KDM6B: variants seen among roughly 807,000 people sequenced by gnomAD.
KDM6B encodes the protein lysine-specific demethylase 6B.
A neutral mutation model predicts 150.4 loss-of-function variants in KDM6B; 22 were observed. The ratio of observed to expected loss-of-function variants is 0.15; its 90% confidence interval spans 0.10 to 0.21. The LOEUF is 0.21. KDM6B is among the 10% of genes least tolerant of loss of function. KDM6B has a pLI of 1.00. For synonymous variants in KDM6B, 1,148 were observed against 921.1 expected, an observed-to-expected ratio of 1.25 and a Z score of -4.46; for missense variants, 1,984 against 2,234.3, an observed-to-expected ratio of 0.89 and a Z score of 2.26.
Position 7,853,994 on chromosome 17 carries a change from G to A in KDM6B, c.*473G>A, listed in dbSNP as rs1041626553. The A allele has an allele frequency of 2.6e-5, 4 of 154,824 alleles. No homozygotes were observed. Among genetic ancestry groups the A allele is most frequent in the African/African-American group, 9.6e-5 (4 of 41,534 alleles). The allele number at this position is 154,824 out of a possible 1,614,324, so 9.6% of individuals were successfully genotyped here. On this transcript the variant is annotated 3_prime_UTR_variant, in exon 24 of 24. Coordinates refer to ENST00000448097, the MANE Select transcript of KDM6B (RefSeq NM_001348716.2). The stretch of plus-strand genomic sequence containing the variant: ...CGGAACCTCCTTTTTTACTTCCAAT[G>A]CTAGCTGTGACCCCTGTACATGTCT...
At position 7,847,982 on chromosome 17, in the gene KDM6B, C is replaced by T. The variant is rs755782958; in HGVS notation, c.1694C>T (p.Pro565Leu). 1 of 1,612,546 alleles carries T rather than the reference C, an allele frequency of 6.2e-7. No individual in the cohort carries two copies. The stretch of plus-strand genomic sequence containing the variant: ...AACAGTGGCAGCCACAGCAGCAGCC[C>T]TGCTGGGCCTGTGTCCTTTCCCCCA... Reference protein sequence around the residue: ...NSNSGSHSSSPAGPVSFPPPP... With the variant: ...NSNSGSHSSSLAGPVSFPPPP... Residue 565 changes from proline to leucine, a missense_variant, in exon 12 of 24, where the codon CCT becomes CTT. By Grantham distance (98) the Pro-to-Leu change is moderately conservative. Coordinates refer to ENST00000448097, the MANE Select transcript of KDM6B (RefSeq NM_001348716.2).
chr17:7,852,675 C>T (rs1360641917), intron 21 of KDM6B, 39 bp downstream of exon 21: 1 of 1,613,036 alleles, frequency 6.2e-7, no homozygotes, highest in Admixed American at 1.7e-5. Flanking sequence ...CCTCCACTGA[C>T]TGGTCCCTTT....
chr17:7,850,156 C>T lies in KDM6B; in HGVS notation c.3652C>T (p.Leu1218=). Residue 1218 remains leucine, a synonymous_variant, in exon 14 of 24, where the codon CTG becomes TTG. Transcript: ENST00000448097. ...PRNPITVIRG[L]AGSLRLNLGL... Reference sequence around the variant, plus strand: ...AAATCCCATCACAGTGATCCGGGGCCTGGCGGGCTCCCTGCGGCTCAGTGA... The same window carrying T: ...AAATCCCATCACAGTGATCCGGGGCTTGGCGGGCTCCCTGCGGCTCAGTGA... The T allele has an allele frequency of 6.2e-7, 1 of 1,613,626 alleles. No homozygotes were observed. The highest frequency in any genetic ancestry group is 8.5e-7 in the Non-Finnish European group (1 of 1,180,000).
At position 7,849,173 on chromosome 17, in the gene KDM6B, C is replaced by T. The variant is rs1274288111; in HGVS notation, c.2885C>T (p.Ala962Val). 2 of 1,610,310 alleles carry T rather than the reference C, an allele frequency of 1.2e-6. No homozygotes were observed. Among genetic ancestry groups the T allele is most frequent in the Non-Finnish European group, 8.5e-7 (1 of 1,178,884 alleles). ...CCCCCCGCACAGGCCAAGGAGGAGGCTGGCGGGGTGGCGGCAGTGTCAGGC... is the reference window on the plus strand; with the variant it reads ...CCCCCCGCACAGGCCAAGGAGGAGGTTGGCGGGGTGGCGGCAGTGTCAGGC... The part of the protein sequence containing the change: ...LLPPAQAKEE[A>V]GGVAAVSGSC... Residue 962 changes from alanine (A) to valine (V), a missense_variant, in exon 12 of 24, where the codon GCT (alanine) becomes GTT (valine). Around this residue, in one of 13 missense-constraint regions of KDM6B, gnomAD observed 1,379 missense variants for 1,275.6 expected, o/e 1.08. Coordinates refer to ENST00000448097, the MANE Select transcript of KDM6B (RefSeq NM_001348716.2).
At chr17:7,846,371 G>GGGGCGGGCCCGGGGGCCCCCCCCCCCCCC in intron 7 of KDM6B, 29 bp from the exon 8 acceptor site, 1 of 1,488,924 alleles carries the variant, frequency 6.7e-7, no homozygotes, top group Non-Finnish European at 9.2e-7. Context: ...CCTGACATCT[G>GGGGCGGGCCCGGGGGCCCCCCCCCCCCCC]CCCCTGCCCC....
In KDM6B at chr17:7,834,636, G is replaced by GGGCGC. The variant is rs1390382282; in HGVS notation, c.-388+290_-388+291insCGGCG. ...GATTCCCCTTCCCGACTCCAGGGCG[G>GGGCGC]GGCGGGGCGGGGCGCGGCGGTCCTT... On this transcript the variant is annotated intron_variant, in intron 1 of 23. Transcript: ENST00000448097. Among the ~76,000 whole-genome samples, 6 of 149,632 alleles carry GGGCGC rather than the reference G, an allele frequency of 4.0e-5. No homozygotes were observed. In the East Asian group the frequency reaches 8.5e-4, roughly 21 times the overall value.
In KDM6B at chr17:7,848,443, G is replaced by A. The variant is rs142402964; in HGVS notation, c.2155G>A (p.Val719Met). 9 of 1,612,658 alleles carry A rather than the reference G, an allele frequency of 5.6e-6. 1 individual carries two copies. The highest frequency in any genetic ancestry group is 2.2e-5 in the South Asian group (2 of 91,080). The part of the protein sequence containing the change: ...EEEQQQHEAG[V>M]APQPPLKEPF... ...GGAACAGCAACAACACGAAGCAGGC[G>A]TGGCCCCCCAACCCCCGCTGAAGGA... Residue 719 changes from valine to methionine, a missense_variant, in exon 12 of 24, where the codon GTG becomes ATG. By Grantham distance (21) the Val-to-Met change is conservative (BLOSUM62 1). Around this residue, in one of 13 missense-constraint regions of KDM6B, gnomAD observed 1,379 missense variants for 1,275.6 expected, o/e 1.08. Transcript: ENST00000448097.
In KDM6B at chr17:7,847,233, C is replaced by T; in HGVS notation, c.1038C>T (p.Ser346=). Residue 346 remains serine, a synonymous_variant, in exon 11 of 24, where the codon AGC becomes AGT. Coordinates refer to ENST00000448097, the MANE Select transcript of KDM6B (RefSeq NM_001348716.2). The stretch of plus-strand genomic sequence containing the variant: ...GCCCCCGCCCCCCAGGAGCAGAGAG[C>T]CATGGCTGCCTGCCTGCCACCCGTC... ...GPGPRPPGAE[S]HGCLPATRPP... is the part of the protein sequence containing the mutation. 1 of 1,598,948 alleles carries T rather than the reference C, an allele frequency of 6.3e-7. No homozygotes were observed. The highest frequency in any genetic ancestry group is 8.5e-7 in the Non-Finnish European group (1 of 1,177,268).
chr17:7,839,247 A>G (rs934682530), intron 1 of KDM6B, among the ~76,000 whole-genome samples: 10 of 152,188 alleles, frequency 6.6e-5, no homozygotes, highest in Middle Eastern at 3.4e-3. Flanking sequence ...TCACCTTCTT[A>G]GGCCACATAA....
intron 14 of KDM6B, 145 bp downstream of exon 14, chr17:7,850,322 C>T: frequency 3.0e-6 from 2 of 663,380 alleles, no homozygotes; most frequent in Non-Finnish European, 5.2e-6. Context: ...TTGGGCTCTT[C>T]TCCCATCTGT....
chr17:7,847,008 G>A lies in KDM6B; in HGVS notation c.901G>A (p.Glu301Lys). ...AGAGCGCAAGGGTTCAGCACCCCCAGAGCGCCAGGTGAGCCCCTGCCTGTT... is the reference window on the plus strand; with the variant it reads ...AGAGCGCAAGGGTTCAGCACCCCCAAAGCGCCAGGTGAGCCCCTGCCTGTT... Reference protein sequence around the residue: ...GPERKGSAPPERQEQRHSLPH... With the variant: ...GPERKGSAPPKRQEQRHSLPH... The change falls in exon 10 of 24, where the codon GAG becomes AAG. Residue 301 changes from glutamate (E) to lysine (K), a missense_variant. Physicochemically the swap from Glu to Lys is moderately conservative, Grantham distance 56. This residue lies in a region of KDM6B where 1,379 missense variants were observed against 1,275.6 expected (regional missense o/e 1.08). Transcript: ENST00000448097. 6.2e-7 allele frequency: 1 copy of A among 1,613,592 alleles called. No individual in the cohort carries two copies. Among genetic ancestry groups the A allele is most frequent in the South Asian group, 1.1e-5 (1 of 91,078 alleles).
Position 7,846,156 on chromosome 17 carries a change from C to T in KDM6B, c.315C>T (p.Ala105=). 6.2e-7 allele frequency: 1 copy of T among 1,613,998 alleles called. No homozygotes were observed. The highest frequency in any genetic ancestry group is 1.1e-5 in the South Asian group (1 of 91,070). ...TGCAGGCATTGCTCCGGGAGCCAGCCCAGCCAGGGCTTTGGGAACAGCTTG... is the reference window on the plus strand; with the variant it reads ...TGCAGGCATTGCTCCGGGAGCCAGCTCAGCCAGGGCTTTGGGAACAGCTTG... ...GCVQALLREP[A]QPGLWEQLGQ... The change falls in exon 7 of 24, where the codon GCC becomes GCT. Residue 105 remains alanine, a synonymous_variant. Transcript: ENST00000448097.
rs1169885306 is a variant in KDM6B, at chr17:7,849,109, A to G, written c.2821A>G (p.Thr941Ala). 1.9e-6 allele frequency: 3 copies of G among 1,612,518 alleles called. No individual in the cohort carries two copies. The highest frequency in any genetic ancestry group is 2.5e-6 in the Non-Finnish European group (3 of 1,179,898). ...SATDPADPVD[T>A]AEPADSGTER... is the part of the protein sequence containing the mutation. ...CACTGACCCAGCCGACCCAGTGGACACAGCAGAGCCAGCGGACAGTGGGAC... is the reference window on the plus strand; with the variant it reads ...CACTGACCCAGCCGACCCAGTGGACGCAGCAGAGCCAGCGGACAGTGGGAC... The change falls in exon 12 of 24, where the codon ACA becomes GCA. Residue 941 changes from threonine (T) to alanine (A), a missense_variant. Physicochemically the swap from Thr to Ala is moderately conservative, Grantham distance 58. This residue lies in a region of KDM6B where 1,379 missense variants were observed against 1,275.6 expected (regional missense o/e 1.08). Coordinates refer to ENST00000448097, the MANE Select transcript of KDM6B (RefSeq NM_001348716.2).
Position 7,846,068 on chromosome 17 carries a change from T to G in KDM6B, c.237-10T>G. 3 of 645,754 alleles carry G rather than the reference T, an allele frequency of 4.6e-6. No homozygotes were observed. Among genetic ancestry groups the G allele is most frequent in the South Asian group, 1.4e-5 (1 of 70,630 alleles). The allele number at this position is 645,754 out of a possible 1,614,324, so 40.0% of individuals were successfully genotyped here. ...CCCCCACCCACACCCCCACCCCTTC[T>G]GCTCTGTAGGGCGCCCACTCCAAGA... On this transcript the variant is annotated splice_polypyrimidine_tract_variant and intron_variant, in intron 6 of 23. Coordinates refer to ENST00000448097, the MANE Select transcript of KDM6B (RefSeq NM_001348716.2).
intron 2 of KDM6B, among the ~76,000 whole-genome samples, chr17:7,841,661 G>T (rs1567784164): frequency 6.6e-6 from 1 of 152,212 alleles, no homozygotes; most frequent in South Asian, 2.1e-4. Flanking sequence ...GACAGACACC[G>T]GGACCCACGC....
chr17:7,847,870 C>T lies in KDM6B; in HGVS notation c.1582C>T (p.Pro528Ser), dbSNP rs765518276. The change falls in exon 12 of 24, where the codon CCT (proline) becomes TCT (serine). Residue 528 changes from proline (P) to serine (S), a missense_variant. Transcript: ENST00000448097. ...CCCCCATCGCGAGGGCTTCTTGGGG[C>T]CTCCGGCCTCCCGCTTTTCTGTGGG... is the stretch of plus-strand genomic sequence containing the variant. ...PLPHREGFLG[P>S]PASRFSVGTQ... The T allele has an allele frequency of 3.4e-5, 43 of 1,275,482 alleles. No individual in the cohort carries two copies. The highest frequency in any genetic ancestry group is 6.8e-5 in the Admixed American group (3 of 44,324). 79.0% of individuals were successfully genotyped at this position (1,275,482 alleles called of 1,614,324 possible).
rs764778697 is a variant in KDM6B at position 7,848,599 on chromosome 17, C to T, written c.2311C>T (p.Pro771Ser). The change falls in exon 12 of 24, where the codon CCA becomes TCA. Residue 771 changes from proline (P) to serine (S), a missense_variant. Pro to Ser is a moderately conservative substitution (Grantham distance 74). This residue lies in a region of KDM6B where 1,379 missense variants were observed against 1,275.6 expected (regional missense o/e 1.08). Coordinates refer to ENST00000448097, the MANE Select transcript of KDM6B (RefSeq NM_001348716.2). Reference sequence around the variant, plus strand: ...GGCCACCCAGGAAGAGGAGAAGAAGCCACCACCAGCCCTACCACCACCACC... The same window carrying T: ...GGCCACCCAGGAAGAGGAGAAGAAGTCACCACCAGCCCTACCACCACCACC... ...TTATQEEEKK[P>S]PPALPPPPPL... The T allele has an allele frequency of 6.3e-7, 1 of 1,598,498 alleles. No homozygotes were observed. Among genetic ancestry groups the T allele is most frequent in the Admixed American group, 1.7e-5 (1 of 58,164 alleles).
rs1308941349 is a variant in KDM6B at position 7,843,727 on chromosome 17, C to T, written c.-268-1174C>T. Among the ~76,000 whole-genome samples the T allele has an allele frequency of 2.0e-5, 3 of 152,124 alleles. No homozygotes were observed. In the East Asian group the frequency reaches 5.8e-4, roughly 30 times the overall value. Reference sequence around the variant, plus strand: ...TGTACTCGACACTCGCCTCTCGCTGCTCTTTGTACTCTAGACTCTCAATGG... The same window carrying T: ...TGTACTCGACACTCGCCTCTCGCTGTTCTTTGTACTCTAGACTCTCAATGG... On this transcript the variant is annotated intron_variant, in intron 2 of 23. Coordinates refer to ENST00000448097, the MANE Select transcript of KDM6B (RefSeq NM_001348716.2). This position sits in a 1 kb window ranked among gnomAD's most constrained non-coding sequence, Gnocchi z 4.5.
chr17:7,850,000 G>T, intron 13 of KDM6B, 53 bp downstream of exon 13: 2 of 1,613,602 alleles, frequency 1.2e-6, no homozygotes, highest in Non-Finnish European at 1.7e-6. Context: ...TTCTAAGACA[G>T]TGTTGGGGAC....
Sources: gnomAD v4.1 joint callset for allele counts (sites outside exome capture counted in the v4.1 genomes callset) on GRCh38, gnomAD v4.1.1 for gene constraint, gnomAD v4.1.1 regional missense constraint, Gnocchi (gnomAD v3.1) non-coding constraint, MANE v1.5 for transcripts, NCBI Gene and HGNC (gene_info 2026-07-23, HGNC 2026-07-21) for gene names.